GRIA3: variants seen among roughly 807,000 people sequenced by gnomAD.
The protein encoded by GRIA3 is glutamate ionotropic receptor AMPA type subunit 3.
Under a neutral mutation model 63.0 loss-of-function variants are expected in GRIA3, and 3 were observed. That is an observed-to-expected ratio of 0.05 (90% CI 0.02 to 0.12). The LOEUF is 0.12. Among genes scored for constraint, GRIA3 ranks in the 10% least tolerant of loss-of-function variants. The pLI is 1.00. For missense variants in GRIA3, 347 were observed against 700.9 expected (o/e 0.50, Z 5.70); for synonymous variants, 274 against 257.9 (o/e 1.06, Z -0.60).
At chrX:123,211,103 T>C (rs750916357) in intron 2 of GRIA3, among the ~76,000 whole-genome samples, 1 of 112,088 alleles carries the variant, frequency 8.9e-6, no homozygotes, top group Non-Finnish European at 1.9e-5. Flanking sequence ...AATTCATATG[T>C]TACACAGAAA....
intron 13 of GRIA3, among the ~76,000 whole-genome samples, chrX:123,477,075 G>A (rs762842467): frequency 1.1e-3 from 128 of 111,791 alleles, no homozygotes; most frequent in Non-Finnish European, 1.4e-3. Context: ...CTAAGTCACC[G>A]ATGTACTGAG....
intron 12 of GRIA3, among the ~76,000 whole-genome samples, chrX:123,454,667 G>A (rs770063298): frequency 9.9e-5 from 11 of 111,348 alleles, no homozygotes; most frequent in South Asian, 7.7e-4. Flanking sequence ...GTTGCCAAAC[G>A]TCTCCTGAGA....
At chrX:123,360,853 TCTCACACACA>T (rs1161476482) in intron 5 of GRIA3, among the ~76,000 whole-genome samples, 142 of 26,267 alleles carry the variant, frequency 5.4e-3, no homozygotes, top group African/African-American at 0.011. Context: ...TCTCTCTCTC[TCTCACACACA>T]CACACACACA....
At chrX:123,193,518 C>G (rs913621292) in intron 2 of GRIA3, among the ~76,000 whole-genome samples, 1 of 112,135 alleles carries the variant, frequency 8.9e-6, no homozygotes, top group African/African-American at 3.2e-5. Context: ...AAGGCCTGTG[C>G]CAGGCACTCA....
intron 3 of GRIA3, among the ~76,000 whole-genome samples, chrX:123,287,872 A>T (rs1165794972): frequency 8.9e-6 from 1 of 112,102 alleles, no homozygotes; most frequent in Non-Finnish European, 1.9e-5. Flanking sequence ...TGCTATCCCC[A>T]TCAAGCTACC....
intron 2 of GRIA3, among the ~76,000 whole-genome samples, chrX:123,215,688 C>A (rs1346511874): frequency 8.9e-6 from 1 of 111,951 alleles, no homozygotes; most frequent in African/African-American, 3.2e-5. Flanking sequence ...TTGCTCATAT[C>A]ATAGTAGTGA....
chrX:123,307,984 G>A (rs1329834111), intron 3 of GRIA3, among the ~76,000 whole-genome samples: 3 of 111,416 alleles, frequency 2.7e-5, no homozygotes, highest in African/African-American at 6.5e-5. Flanking sequence ...AACTCAGTAT[G>A]TCCTAGATCC....
chrX:123,204,083 A>C (rs1927817252), intron 2 of GRIA3, among the ~76,000 whole-genome samples: 1 of 112,483 alleles, frequency 8.9e-6, no homozygotes, highest in Non-Finnish European at 1.9e-5. Context: ...TCAACTTTTA[A>C]GTTGTGGCAA....
intron 3 of GRIA3, among the ~76,000 whole-genome samples, chrX:123,288,764 A>G (rs1490257063): frequency 8.9e-6 from 1 of 112,085 alleles, no homozygotes; most frequent in Non-Finnish European, 1.9e-5. Context: ...AAAAGTCAGG[A>G]AACAACAGAT....
At chrX:123,221,787 T>C (rs1462787705) in intron 2 of GRIA3, among the ~76,000 whole-genome samples, 1 of 111,677 alleles carries the variant, frequency 9.0e-6, no homozygotes, top group Admixed American at 9.5e-5. Flanking sequence ...CAAAAGTATA[T>C]ATGACCTTCC....
At chrX:123,209,922 G>A (rs779339409) in intron 2 of GRIA3, among the ~76,000 whole-genome samples, 2 of 109,963 alleles carry the variant, frequency 1.8e-5, no homozygotes, top group African/African-American at 6.6e-5. Flanking sequence ...TGAAGCCCCC[G>A]ACTTCTACAC....
chrX:123,469,011 T>G (rs2045848949), intron 13 of GRIA3, among the ~76,000 whole-genome samples: 1 of 112,659 alleles, frequency 8.9e-6, no homozygotes, highest in Admixed American at 9.4e-5. Flanking sequence ...AAGAATCAGG[T>G]TCATTCGCAA....
chrX:123,239,543 T>C (rs1450811978), intron 2 of GRIA3, among the ~76,000 whole-genome samples: 1 of 106,422 alleles, frequency 9.4e-6, no homozygotes, highest in Non-Finnish European at 2.0e-5. Flanking sequence ...ACAATGCCAC[T>C]ATCTACTCTG....
chrX:123,352,228 C>G (rs2045100690), intron 4 of GRIA3, among the ~76,000 whole-genome samples: 1 of 111,446 alleles, frequency 9.0e-6, no homozygotes, highest in African/African-American at 3.3e-5. Context: ...TTACAGGCAT[C>G]TGCCACCACG....
intron 11 of GRIA3, among the ~76,000 whole-genome samples, chrX:123,418,717 C>T: frequency 8.9e-6 from 1 of 112,266 alleles, no homozygotes. Flanking sequence ...CATACATCCT[C>T]TAGAATGGCT....
intron 3 of GRIA3, among the ~76,000 whole-genome samples, chrX:123,312,744 C>T (rs1223171350): frequency 8.9e-6 from 1 of 112,343 alleles, no homozygotes; most frequent in Admixed American, 9.4e-5. Flanking sequence ...TCCATCATGA[C>T]ATTCCTATTG....
At position 123,398,715 on chromosome X, in the gene GRIA3, T is replaced by C. The variant is rs921385861; in HGVS notation, c.992T>C (p.Val331Ala). The change falls in exon 7 of 16, where the codon GTG becomes GCG. Residue 331 changes from valine (V) to alanine (A), a missense_variant. Transcript: ENST00000620443. ...TACCTGAGGAGGCAGCGAGTAGATG[T>C]GTCCCGGAGAGGAAGTGCTGGAGAC... is the stretch of plus-strand genomic sequence containing the variant. ...FRYLRRQRVD[V>A]SRRGSAGDCL... 3 of 1,207,848 alleles carry C rather than the reference T, an allele frequency of 2.5e-6. No homozygotes were observed. Among genetic ancestry groups the C allele is most frequent in the Non-Finnish European group, 3.4e-6 (3 of 892,119 alleles).
rs939997887 is a variant in GRIA3, at chrX:123,353,494, G to A, written c.697-1416G>A. Among the ~76,000 whole-genome samples, 10 of 111,669 alleles carry A rather than the reference G, an allele frequency of 9.0e-5. No individual in the cohort carries two copies. The East Asian group carries it at 2.0e-3, about 22-fold the overall frequency. On this transcript the variant is annotated intron_variant, in intron 4 of 15. Transcript: ENST00000620443. ...ATATAAAGCACTTAGCACCGTGCCT[G>A]CATATACTAGGCACTCAAATAAGGA...
chrX:123,202,902 T>G, intron 2 of GRIA3: 1 of 725,469 alleles, frequency 1.4e-6, no homozygotes, highest in Non-Finnish European at 2.0e-6. Flanking sequence ...AGGAACAAAT[T>G]CCAGGCAAGT....
Sources: allele counts gnomAD v4.1 joint callset (sites outside exome capture counted in the v4.1 genomes callset), GRCh38; gene constraint gnomAD v4.1.1; transcripts MANE v1.5; gene names NCBI Gene and HGNC (gene_info 2026-07-23, HGNC 2026-07-21).